The following TP73 variants were observed in gnomAD, a reference collection of about 807,000 sequenced individuals.
TP73 encodes the protein p53-like transcription factor.
Under a neutral mutation model 62.5 loss-of-function variants are expected in TP73, and 25 were observed. That is an observed-to-expected ratio of 0.40 (90% CI 0.29 to 0.56). The LOEUF (loss-of-function observed/expected upper bound fraction) is 0.56, where lower values mean the gene tolerates loss of function less well. TP73 is among the 20% of genes least tolerant of loss of function. The pLI, the probability that TP73 is intolerant of heterozygous loss-of-function variation, is 0.46. For synonymous variants in TP73, 423 were observed against 377.5 expected (o/e 1.12, Z -1.40); for missense variants, 754 against 913.3 (o/e 0.83, Z 2.25).
At chr1:3,717,703 C>G (rs1233660537) in intron 4 of TP73, among the ~76,000 whole-genome samples, 1 of 152,158 alleles carries the variant, frequency 6.6e-6, no homozygotes, top group Non-Finnish European at 1.5e-5. Context: ...TGGGGGAGCG[C>G]TGGAGCCGTC....
At chr1:3,664,862 G>A (rs1043422142) in intron 1 of TP73, among the ~76,000 whole-genome samples, 2 of 152,208 alleles carry the variant, frequency 1.3e-5, no homozygotes, top group Non-Finnish European at 2.9e-5. Context: ...AGAGGCAGGT[G>A]ATTCCTGTGA....
chr1:3,696,878 G>A lies in TP73; in HGVS notation c.187-10671G>A, dbSNP rs1046797591. Among the ~76,000 whole-genome samples the A allele has an allele frequency of 5.3e-5, 8 of 152,114 alleles. No homozygotes were observed. The highest frequency in any genetic ancestry group is 1.0e-4 in the Non-Finnish European group (7 of 68,002). Reference sequence around the variant, plus strand: ...CACCCGCCTGCTGTGCCTAGTGCACGCCCGCCTCCGGCCCCCCTGCCACCC... The same window carrying A: ...CACCCGCCTGCTGTGCCTAGTGCACACCCGCCTCCGGCCCCCCTGCCACCC... On this transcript the variant is annotated intron_variant, in intron 3 of 13. Coordinates refer to ENST00000378295, the MANE Select transcript of TP73 (RefSeq NM_005427.4). The surrounding 1 kb of genome is among the most constrained non-coding windows in gnomAD (Gnocchi z 4.1).
At chr1:3,690,448 T>C (rs1000472658) in intron 3 of TP73, among the ~76,000 whole-genome samples, 2 of 152,278 alleles carry the variant, frequency 1.3e-5, no homozygotes, top group African/African-American at 4.8e-5. Context: ...GAGGCTGCTT[T>C]ACGGGGTGAG....
chr1:3,730,906 C>T (rs187391493), intron 11 of TP73, 21 bp from the exon 12 acceptor site: 19 of 1,581,278 alleles, frequency 1.2e-5, no homozygotes, highest in Non-Finnish European at 8.6e-7. Flanking sequence ...GCCCTGATGG[C>T]CCCACCTGCC....
At position 3,730,135 on chromosome 1, in the gene TP73, C is replaced by T; in HGVS notation, c.1332C>T (p.Asn444=). ...PPPHSSAATP[N]LGPVGPGMLN... ...CGCACAGTTCGGCAGCTACACCCAA[C>T]CTGGGGCCCGTGGGTGAGTCCCTTG... is the stretch of plus-strand genomic sequence containing the variant. Residue 444 remains asparagine (N), a synonymous_variant, in exon 11 of 14, where the codon AAC becomes AAT. Transcript: ENST00000378295. The T allele has an allele frequency of 1.9e-6, 3 of 1,556,724 alleles. No homozygotes were observed. Among genetic ancestry groups the T allele is most frequent in the Non-Finnish European group, 1.7e-6 (2 of 1,149,594 alleles).
intron 4 of TP73, 152 bp downstream of exon 4, chr1:3,707,943 A>G (rs1639813809): frequency 7.5e-7 from 1 of 1,325,358 alleles, no homozygotes; most frequent in Admixed American, 2.4e-5. Context: ...ATCGGGCAGG[A>G]GGCGGGTCTC....
At chr1:3,729,234 C>G in intron 9 of TP73, 93 bp from the exon 10 acceptor site, 1 of 1,554,302 alleles carries the variant, frequency 6.4e-7, no homozygotes, top group Non-Finnish European at 8.7e-7. Flanking sequence ...AGGACAGATG[C>G]TTTGCCAAGC....
At chr1:3,667,769 GA>G (rs1456056530) in intron 1 of TP73, among the ~76,000 whole-genome samples, 8 of 150,632 alleles carry the variant, frequency 5.3e-5, no homozygotes, top group African/African-American at 7.3e-5. Flanking sequence ...AAAAAAGAAA[GA>G]AAAAAAGTAA....
In TP73 at chr1:3,699,302, T is replaced by A. The variant is rs1638955561; in HGVS notation, c.187-8247T>A. 6.6e-6 allele frequency among the ~76,000 whole-genome samples: 1 copy of A among 151,904 alleles called. No individual in the cohort carries two copies. Among genetic ancestry groups the A allele is most frequent in the South Asian group, 2.1e-4 (1 of 4,786 alleles). On this transcript the variant is annotated intron_variant, in intron 3 of 13. Transcript: ENST00000378295. The surrounding 1 kb of genome is among the most constrained non-coding windows in gnomAD (Gnocchi z 4.1). The stretch of plus-strand genomic sequence containing the variant: ...TGCTTGTCAGTCACTCACCCCTGGG[T>A]GAGGTTGGGGCCCAAGTTCAGACAT...
At position 3,735,496 on chromosome 1, in the gene TP73, G is replaced by C. The variant is rs1331600319; in HGVS notation, c.*2417G>C. 6.6e-6 allele frequency: 1 copy of C among 152,244 alleles called. No individual in the cohort carries two copies. The highest frequency in any genetic ancestry group is 6.5e-5 in the Admixed American group (1 of 15,282). The allele number at this position is 152,244 out of a possible 1,614,324, so 9.4% of individuals were successfully genotyped here. A position where few individuals can be genotyped will look rare whatever the true frequency, so the allele number is the denominator to read the frequency against. On this transcript the variant is annotated 3_prime_UTR_variant, in exon 14 of 14. Coordinates refer to ENST00000378295, the MANE Select transcript of TP73 (RefSeq NM_005427.4). ...ACGGAGCAGCCAGATGGCCCCAGCT[G>C]CACCTGTCTAGGGAGCCCATGCAGC... is the stretch of plus-strand genomic sequence containing the variant.
chr1:3,714,942 C>T (rs1333259875), intron 4 of TP73, among the ~76,000 whole-genome samples: 1 of 152,214 alleles, frequency 6.6e-6, no homozygotes, highest in Non-Finnish European at 1.5e-5. Context: ...CGGGCTTGGG[C>T]AGAGTGACAG....
chr1:3,712,045 C>A (rs371599289), intron 4 of TP73, among the ~76,000 whole-genome samples: 40 of 152,192 alleles, frequency 2.6e-4, no homozygotes, highest in African/African-American at 8.7e-4. Context: ...ACCTTCCCAG[C>A]GCCTCGGAGG....
chr1:3,674,210 C>A (rs1412784033), intron 1 of TP73, among the ~76,000 whole-genome samples: 7 of 152,210 alleles, frequency 4.6e-5, no homozygotes, highest in Non-Finnish European at 1.0e-4. Context: ...TTGGTCATGG[C>A]CTCAAAGCTT....
rs1052518999 is a variant in TP73, at chr1:3,701,597, C to T, written c.187-5952C>T. Among the ~76,000 whole-genome samples the T allele has an allele frequency of 9.2e-5, 14 of 152,136 alleles. No individual in the cohort carries two copies. The highest frequency in any genetic ancestry group is 3.1e-4 in the African/African-American group (13 of 41,436). On this transcript the variant is annotated intron_variant, in intron 3 of 13. Transcript: ENST00000378295. The surrounding 1 kb of genome is among the most constrained non-coding windows in gnomAD (Gnocchi z 4.7). Reference sequence around the variant, plus strand: ...TCAGCTCACTGCAACCTCTGCCTCCCGGGTTCAAGCAATTCTCCTTGCTCA... The same window carrying T: ...TCAGCTCACTGCAACCTCTGCCTCCTGGGTTCAAGCAATTCTCCTTGCTCA...
intron 8 of TP73, 104 bp from the exon 9 acceptor site, chr1:3,728,025 G>A (rs1351132941): frequency 1.1e-5 from 14 of 1,311,810 alleles, no homozygotes; most frequent in Middle Eastern, 2.6e-4. Context: ...CCCACCTGGA[G>A]AATCGATTGG....
chr1:3,682,260 C>T (rs1645542030), intron 1 of TP73, 73 bp from the exon 2 acceptor site: 3 of 1,193,508 alleles, frequency 2.5e-6, no homozygotes, highest in Non-Finnish European at 3.3e-6. Context: ...CCTGCCGCCC[C>T]CACCGAGGCT....
chr1:3,687,674 C>T (rs2124203350), intron 3 of TP73, among the ~76,000 whole-genome samples: 1 of 152,198 alleles, frequency 6.6e-6, no homozygotes, highest in South Asian at 2.1e-4. Context: ...CCCTCCCCTC[C>T]CCTCCACTCT....
chr1:3,707,343 G>A (rs1639745163), intron 3 of TP73, among the ~76,000 whole-genome samples: 1 of 148,858 alleles, frequency 6.7e-6, no homozygotes, highest in Non-Finnish European at 1.5e-5. Context: ...GCACCGGGAG[G>A]CTGATGGAGG....
chr1:3,691,347 A>G (rs1212502800), intron 3 of TP73, among the ~76,000 whole-genome samples: 1 of 152,118 alleles, frequency 6.6e-6, no homozygotes, highest in East Asian at 1.9e-4. Context: ...AGTGCACCCT[A>G]GAAGTCATCT....
Sources: gnomAD v4.1 joint callset for allele counts (sites outside exome capture counted in the v4.1 genomes callset) on GRCh38, gnomAD v4.1.1 for gene constraint, Gnocchi (gnomAD v3.1) non-coding constraint, MANE v1.5 for transcripts, NCBI Gene and HGNC (gene_info 2026-07-23, HGNC 2026-07-21) for gene names.